THSD7B: variants seen among roughly 807,000 people sequenced by gnomAD.
The protein encoded by THSD7B is thrombospondin type 1 domain containing 7B, also known as thrombospondin type-1 domain-containing protein 7B.
Under a neutral mutation model 213.6 loss-of-function variants are expected in THSD7B, and 138 were observed. The observed-to-expected ratio is 0.65, with a 90% confidence interval of 0.56 to 0.74. The LOEUF (loss-of-function observed/expected upper bound fraction) is 0.74, where lower values mean the gene tolerates loss of function less well. Ranked by LOEUF, THSD7B falls within the 30% of genes least tolerant of loss-of-function variation. The probability of loss-of-function intolerance (pLI) is 0.00; values close to 1 mark genes in which losing one functional copy is unlikely to be tolerated. For synonymous variants in THSD7B, 742 were observed against 687.0 expected, an observed-to-expected ratio of 1.08 and a Z score of -1.25; for missense variants, 1,931 against 1,991.5, an observed-to-expected ratio of 0.97 and a Z score of 0.58.
intron 21 of THSD7B, among the ~76,000 whole-genome samples, chr2:137,652,654 T>C (rs565089161): frequency 6.6e-6 from 1 of 152,242 alleles, no homozygotes; most frequent in South Asian, 2.1e-4. Flanking sequence ...TCCTTTGTGG[T>C]GAAGTTATTT....
intron 1 of THSD7B, among the ~76,000 whole-genome samples, chr2:136,834,170 T>C (rs777001775): frequency 6.6e-6 from 1 of 152,120 alleles, no homozygotes; most frequent in Non-Finnish European, 1.5e-5. Flanking sequence ...AGCTAAAAGG[T>C]TAATGTCTAG....
chr2:136,947,181 C>T (rs960059030), intron 2 of THSD7B, among the ~76,000 whole-genome samples: 33 of 152,280 alleles, frequency 2.2e-4, no homozygotes, highest in African/African-American at 7.7e-4. Flanking sequence ...TTTCTTCTAC[C>T]AGGGAAGGTA....
At chr2:136,963,554 G>A (rs2105088078) in intron 2 of THSD7B, among the ~76,000 whole-genome samples, 1 of 152,312 alleles carries the variant, frequency 6.6e-6, no homozygotes, top group East Asian at 1.9e-4. Flanking sequence ...TGAGGCAGGA[G>A]GATTGCCTGA....
chr2:136,974,268 T>C (rs1256068942), intron 2 of THSD7B, among the ~76,000 whole-genome samples: 2 of 152,104 alleles, frequency 1.3e-5, no homozygotes, highest in Non-Finnish European at 2.9e-5. Flanking sequence ...TGCCATGGTG[T>C]TTTGCTGCAG....
At position 137,448,411 on chromosome 2, in the gene THSD7B, TGGA is replaced by T. The variant is rs958056105; in HGVS notation, c.2960-2432_2960-2430del. Among the ~76,000 whole-genome samples, 177 of 152,118 alleles carry T rather than the reference TGGA, an allele frequency of 1.2e-3. 1 individual carries two copies. The highest frequency in any genetic ancestry group is 3.9e-3 in the African/African-American group (163 of 41,496). On this transcript the variant is annotated intron_variant, in intron 14 of 27. Transcript: ENST00000409968. ...CACGAGCAAAGGCTCGTGGAGAAGATGGAGTAGTCTGTGTAGACAGAATTTAAG... is the reference window on the plus strand; with the variant it reads ...CACGAGCAAAGGCTCGTGGAGAAGATGTAGTCTGTGTAGACAGAATTTAAG...
At chr2:137,002,220 A>C (rs1296851127) in intron 2 of THSD7B, among the ~76,000 whole-genome samples, 1 of 152,106 alleles carries the variant, frequency 6.6e-6, no homozygotes, top group Admixed American at 6.5e-5. Flanking sequence ...TTTTCTTCCA[A>C]GGATCTTTTA....
rs568208870 is a variant in THSD7B, at chr2:137,033,579, GT to G, written c.140-22834del. ...ATACAGGGAGGGTTGACTACTTGGAGTTTTTTTCTTAGATATTATTTTTATT... is the reference window on the plus strand; with the variant it reads ...ATACAGGGAGGGTTGACTACTTGGAGTTTTTTCTTAGATATTATTTTTATT... On this transcript the variant is annotated intron_variant, in intron 2 of 27. Coordinates refer to ENST00000409968, the MANE Select transcript of THSD7B (RefSeq NM_001316349.2). Among the ~76,000 whole-genome samples the G allele has an allele frequency of 2.0e-5, 3 of 151,776 alleles. No homozygotes were observed. The East Asian group carries it at 5.8e-4, about 29-fold the overall frequency.
At chr2:137,645,530 G>A (rs62168026) in intron 21 of THSD7B, among the ~76,000 whole-genome samples, 9,295 of 152,120 alleles carry the variant, frequency 0.061, 386 homozygotes, top group Middle Eastern at 0.16. Context: ...TGTTGTTGTC[G>A]AAGGTATAAG....
chr2:136,788,907 A>G (rs780739846), intron 1 of THSD7B, among the ~76,000 whole-genome samples: 7 of 152,146 alleles, frequency 4.6e-5, no homozygotes, highest in Non-Finnish European at 8.8e-5. Context: ...TCATTTTGTT[A>G]TGTGTTGGAA....
chr2:137,423,019 C>T (rs1050099892), intron 14 of THSD7B, among the ~76,000 whole-genome samples: 2 of 151,970 alleles, frequency 1.3e-5, no homozygotes, highest in African/African-American at 2.4e-5. Flanking sequence ...CAACTTTCTT[C>T]GTACCTATTT....
chr2:137,614,304 G>A (rs576954672), intron 17 of THSD7B, among the ~76,000 whole-genome samples: 14 of 152,138 alleles, frequency 9.2e-5, no homozygotes, highest in African/African-American at 3.4e-4. Flanking sequence ...TTCTCATCTA[G>A]GTTTAGATGC....
At position 137,248,339 on chromosome 2, in the gene THSD7B, G is replaced by A. The variant is rs1406764613; in HGVS notation, c.2266+5767G>A. ...GACAGACTATAAACTCAGAGGGTAG[G>A]AGTCTTTCATTTCATTAATGAACTT... On this transcript the variant is annotated intron_variant, in intron 10 of 27. Coordinates refer to ENST00000409968, the MANE Select transcript of THSD7B (RefSeq NM_001316349.2). Among the ~76,000 whole-genome samples the A allele has an allele frequency of 3.3e-5, 5 of 152,118 alleles. No individual in the cohort carries two copies. The South Asian group carries it at 6.2e-4, about 19-fold the overall frequency.
At chr2:137,620,761 T>A in intron 20 of THSD7B, 35 bp downstream of exon 20, 1 of 1,535,046 alleles carries the variant, frequency 6.5e-7, no homozygotes, top group Non-Finnish European at 9.0e-7. Flanking sequence ...CTAACTAGTG[T>A]AGGTTTCTAA....
At chr2:137,014,580 A>G (rs775490632) in intron 2 of THSD7B, among the ~76,000 whole-genome samples, 3 of 152,124 alleles carry the variant, frequency 2.0e-5, no homozygotes, top group Non-Finnish European at 4.4e-5. Flanking sequence ...GATTTCTTTC[A>G]TTTGGTCTAT....
chr2:137,075,135 T>C (rs11883933), intron 3 of THSD7B, among the ~76,000 whole-genome samples: 29,092 of 152,176 alleles, frequency 0.19, 2,873 homozygotes, highest in African/African-American at 0.23. Context: ...GTTGGCCTGC[T>C]GTGCCAGATT....
At chr2:137,613,597 C>T (rs1259549520) in intron 17 of THSD7B, among the ~76,000 whole-genome samples, 1 of 152,102 alleles carries the variant, frequency 6.6e-6, no homozygotes, top group East Asian at 1.9e-4. Flanking sequence ...AGCTATATAA[C>T]CTTGATTTTT....
chr2:137,261,257 G>T (rs999120557), intron 10 of THSD7B, among the ~76,000 whole-genome samples: 1 of 151,834 alleles, frequency 6.6e-6, no homozygotes, highest in Admixed American at 6.6e-5. Context: ...GAGTGGGGTG[G>T]AAAAAACTTC....
At chr2:136,970,482 T>C (rs973436505) in intron 2 of THSD7B, among the ~76,000 whole-genome samples, 4 of 150,010 alleles carry the variant, frequency 2.7e-5, no homozygotes, top group East Asian at 2.0e-4. Flanking sequence ...AACAAACAAA[T>C]AAATAAATAA....
intron 9 of THSD7B, among the ~76,000 whole-genome samples, chr2:137,236,671 C>T (rs1681769940): frequency 6.6e-6 from 1 of 152,188 alleles, no homozygotes; most frequent in South Asian, 2.1e-4. Flanking sequence ...AAACATTTAA[C>T]ATTTAAAAGC....
Sources: gnomAD v4.1 joint callset for allele counts (sites outside exome capture counted in the v4.1 genomes callset) on GRCh38, gnomAD v4.1.1 for gene constraint, MANE v1.5 for transcripts, NCBI Gene and HGNC (gene_info 2026-07-23, HGNC 2026-07-21) for gene names.